The following PCDHGA10 variants were observed in gnomAD, a reference collection of about 807,000 sequenced individuals.
PCDHGA10 encodes protocadherin gamma-A10.
Under a neutral mutation model 59.5 loss-of-function variants are expected in PCDHGA10, and 42 were observed. The observed-to-expected ratio is 0.71, with a 90% CI of 0.55 to 0.91. The LOEUF (loss-of-function observed/expected upper bound fraction) is 0.91, where lower values mean the gene tolerates loss of function less well. Ranked by LOEUF, PCDHGA10 falls within the 40% of genes least tolerant of loss-of-function variation. The pLI is 0.00. For missense variants in PCDHGA10, 1,111 were observed against 1,198.2 expected, an observed-to-expected ratio of 0.93 and a Z score of 1.07; for synonymous variants, 511 against 517.2, an observed-to-expected ratio of 0.99 and a Z score of 0.16.
At position 141,413,070 on chromosome 5, in the gene PCDHGA10, T is replaced by C; in HGVS notation, c.-106T>C. The C allele has an allele frequency of 8.4e-7, 1 of 1,195,132 alleles. No individual in the cohort carries two copies. The highest frequency in any genetic ancestry group is 1.5e-5 in the African/African-American group (1 of 65,222). 74.0% of individuals were successfully genotyped at this position (1,195,132 alleles called of 1,614,324 possible). A position where few individuals can be genotyped will look rare whatever the true frequency, so the allele number is the denominator to read the frequency against. On this transcript the variant is annotated 5_prime_UTR_variant, in exon 1 of 4. Transcript: ENST00000398610. ...GGGAAGCTCACTCCAGAATTTAAAG[T>C]GCCCAGGCTACAGAGACACCCTGAA...
Position 141,485,859 on chromosome 5 carries a change from G to A in PCDHGA10, c.2437-8948G>A, listed in dbSNP as rs1272239385. ...CCGAGATCTGGCACCGCAGAGCTCC[G>A]GGTATCCGTGCTGGACGTAAACGAC... On this transcript the variant is annotated intron_variant, in intron 1 of 3. Transcript: ENST00000398610. This position sits in a 1 kb window ranked among gnomAD's most constrained non-coding sequence, Gnocchi z 5.7. 3.7e-6 allele frequency: 6 copies of A among 1,614,046 alleles called. No homozygotes were observed. Among genetic ancestry groups the A allele is most frequent in the Admixed American group, 3.3e-5 (2 of 60,000 alleles).
chr5:141,477,890 C>A lies in PCDHGA10; in HGVS notation c.2437-16917C>A, dbSNP rs202114426. On this transcript the variant is annotated intron_variant, in intron 1 of 3. Transcript: ENST00000398610. This position sits in a 1 kb window ranked among gnomAD's most constrained non-coding sequence, Gnocchi z 4.9. ...TACCTCAGCTGGCCACCTAGTGTCA[C>A]GGGTGGTAGGCTGGGACGCGGATGC... is the stretch of plus-strand genomic sequence containing the variant. 3.1e-6 allele frequency: 5 copies of A among 1,614,204 alleles called. 1 individual carries two copies. In the Admixed American group the frequency reaches 8.3e-5, roughly 27 times the overall value.
At position 141,431,994 on chromosome 5, in the gene PCDHGA10, G is replaced by C; in HGVS notation, c.2436+16383G>C. ...TTAGTCACAGACATAGTCTTGGATA[G>C]GGAACAGGTTCCTAGCTACAACATC... is the stretch of plus-strand genomic sequence containing the variant. On this transcript the variant is annotated intron_variant, in intron 1 of 3. Coordinates refer to ENST00000398610, the MANE Select transcript of PCDHGA10 (RefSeq NM_018913.3). The surrounding 1 kb of genome is among the most constrained non-coding windows in gnomAD (Gnocchi z 4.8). 1.9e-6 allele frequency: 3 copies of C among 1,614,188 alleles called. 1 individual carries two copies. The highest frequency in any genetic ancestry group is 2.2e-5 in the South Asian group (2 of 91,082).
At position 141,420,340 on chromosome 5, in the gene PCDHGA10, G is replaced by A. The variant is rs1405507680; in HGVS notation, c.2436+4729G>A. ...ATATGCCAATATATTCCAATATAGT[G>A]GTATTATTTTAAGATTCTAGATAAC... On this transcript the variant is annotated intron_variant, in intron 1 of 3. Transcript: ENST00000398610. The A allele has an allele frequency of 2.9e-6, 4 of 1,387,388 alleles. No homozygotes were observed. In the African/African-American group the frequency reaches 4.4e-5, roughly 15 times the overall value. 85.9% of individuals were successfully genotyped at this position (1,387,388 alleles called of 1,614,324 possible). A position where few individuals can be genotyped will look rare whatever the true frequency, so the allele number is the denominator to read the frequency against.
intron 1 of PCDHGA10, among the ~76,000 whole-genome samples, chr5:141,458,351 T>A (rs903399511): frequency 2.0e-5 from 3 of 152,010 alleles, no homozygotes; most frequent in African/African-American, 7.3e-5. Flanking sequence ...GAGAGTTTAA[T>A]AAGCAAGAAG....
chr5:141,421,562 A>G (rs1326874908), intron 1 of PCDHGA10: 1 of 1,613,992 alleles, frequency 6.2e-7, no homozygotes, highest in South Asian at 1.1e-5. Context: ...CTTCTCGTGG[A>G]AGACACCTTG....
chr5:141,509,586 T>A (rs2154594569), intron 3 of PCDHGA10, among the ~76,000 whole-genome samples: 1 of 152,302 alleles, frequency 6.6e-6, no homozygotes, highest in East Asian at 1.9e-4. Flanking sequence ...ACAAATCAGC[T>A]GGCAATTCCG....
intron 1 of PCDHGA10, chr5:141,419,315 C>G (rs2096357855): frequency 1.2e-6 from 2 of 1,613,998 alleles, no homozygotes; most frequent in Non-Finnish European, 1.7e-6. Flanking sequence ...GCTCAACGGC[C>G]GTGTCTCCTA....
At chr5:141,455,292 G>A (rs2098818902) in intron 1 of PCDHGA10, among the ~76,000 whole-genome samples, 1 of 152,068 alleles carries the variant, frequency 6.6e-6, no homozygotes, top group East Asian at 1.9e-4. Context: ...ACTTTACATA[G>A]TTTCATCTTG....
In PCDHGA10 at chr5:141,476,506, C is replaced by T; in HGVS notation, c.2437-18301C>T. 1 of 1,614,068 alleles carries T rather than the reference C, an allele frequency of 6.2e-7. No homozygotes were observed. ...AAGTGGTGATCCAGGACATCAACGA[C>T]AACAATCCTGCTTTCCCTACCCAGG... On this transcript the variant is annotated intron_variant, in intron 1 of 3. Transcript: ENST00000398610. This position sits in a 1 kb window ranked among gnomAD's most constrained non-coding sequence, Gnocchi z 7.6.
Position 141,477,283 on chromosome 5 carries a change from C to T in PCDHGA10, c.2437-17524C>T, listed in dbSNP as rs766672047. The T allele has an allele frequency of 9.3e-6, 15 of 1,614,076 alleles. No homozygotes were observed. The highest frequency in any genetic ancestry group is 2.7e-5 in the African/African-American group (2 of 74,924). On this transcript the variant is annotated intron_variant, in intron 1 of 3. Coordinates refer to ENST00000398610, the MANE Select transcript of PCDHGA10 (RefSeq NM_018913.3). The surrounding 1 kb of genome is among the most constrained non-coding windows in gnomAD (Gnocchi z 4.9). ...CTGGCGAGAACGGGCTGGTGACCTG[C>T]GAAGTTCCACCGGGTCTCCCTTTCA... is the stretch of plus-strand genomic sequence containing the variant.
chr5:141,458,347 T>A (rs1351687231), intron 1 of PCDHGA10, among the ~76,000 whole-genome samples: 1 of 151,916 alleles, frequency 6.6e-6, no homozygotes, highest in Non-Finnish European at 1.5e-5. Flanking sequence ...AGTGGAGAGT[T>A]TAATAAGCAA....
chr5:141,446,821 T>G (rs183143971), intron 1 of PCDHGA10, among the ~76,000 whole-genome samples: 2 of 152,184 alleles, frequency 1.3e-5, no homozygotes, highest in South Asian at 4.1e-4. Context: ...GTCAGATGGG[T>G]AGATCCTTAT....
rs561548499 is a variant in PCDHGA10, at chr5:141,414,930, C to T, written c.1755C>T (p.Ser585=). Residue 585 remains serine (S), a synonymous_variant, in exon 1 of 4, where the codon TCC becomes TCT. Coordinates refer to ENST00000398610, the MANE Select transcript of PCDHGA10 (RefSeq NM_018913.3). ...CAGGCGTGGAGCTGGCGCCCCGCTC[C>T]GCAGAGCCCGGCTACCTGGTGACCA... ...GSTGVELAPR[S]AEPGYLVTKV... 1.9e-6 allele frequency: 3 copies of T among 1,614,156 alleles called. No homozygotes were observed. The South Asian group carries it at 3.3e-5, about 18-fold the overall frequency.
At chr5:141,458,100 A>AT (rs2098937418) in intron 1 of PCDHGA10, among the ~76,000 whole-genome samples, 1 of 152,252 alleles carries the variant, frequency 6.6e-6, no homozygotes, top group Non-Finnish European at 1.5e-5. Context: ...GAGTACTTAC[A>AT]GATAGTCTCC....
chr5:141,479,860 C>T (rs1374284598), intron 1 of PCDHGA10, among the ~76,000 whole-genome samples: 2 of 152,108 alleles, frequency 1.3e-5, no homozygotes, highest in Admixed American at 6.5e-5. Context: ...AAGGCCTTTG[C>T]CCTGGAGAGA....
In PCDHGA10 at chr5:141,476,149, A is replaced by T. The variant is rs1042362185; in HGVS notation, c.2437-18658A>T. The stretch of plus-strand genomic sequence containing the variant: ...CAGAGGCCTGGAGGAGCGGACTGGT[A>T]AGCACCGGGAGGGTAGTGGGAGTTT... On this transcript the variant is annotated intron_variant, in intron 1 of 3. Transcript: ENST00000398610. This position sits in a 1 kb window ranked among gnomAD's most constrained non-coding sequence, Gnocchi z 7.6. 4 of 1,611,688 alleles carry T rather than the reference A, an allele frequency of 2.5e-6. No individual in the cohort carries two copies. In the African/African-American group the frequency reaches 5.3e-5, roughly 22 times the overall value.
chr5:141,419,218 A>G, intron 1 of PCDHGA10: 1 of 1,613,940 alleles, frequency 6.2e-7, no homozygotes, highest in Non-Finnish European at 8.5e-7. Flanking sequence ...CGGTTTTCGG[A>G]CAGTCAGCCT....
rs570379716 is a variant in PCDHGA10 at position 141,452,090 on chromosome 5, G to A, written c.2436+36479G>A. Among the ~76,000 whole-genome samples, 3 of 152,256 alleles carry A rather than the reference G, an allele frequency of 2.0e-5. No individual in the cohort carries two copies. The South Asian group carries it at 6.2e-4, about 32-fold the overall frequency. On this transcript the variant is annotated intron_variant, in intron 1 of 3. Coordinates refer to ENST00000398610, the MANE Select transcript of PCDHGA10 (RefSeq NM_018913.3). The stretch of plus-strand genomic sequence containing the variant: ...TTTATTAGTTGGCATTATACAGTAA[G>A]AAAGAGCTTTCTTTTCTCTTCTTAT...
Sources: gnomAD v4.1 joint callset for allele counts (sites outside exome capture counted in the v4.1 genomes callset) on GRCh38, gnomAD v4.1.1 for gene constraint, Gnocchi (gnomAD v3.1) non-coding constraint, MANE v1.5 for transcripts, NCBI Gene and HGNC (gene_info 2026-07-23, HGNC 2026-07-21) for gene names.